Variants in ANKS1B observed in about 807,000 individuals in gnomAD.
ANKS1B encodes the protein ankyrin repeat and sterile alpha motif domain-containing protein 1B.
In ANKS1B, 36 loss-of-function variants were observed where a neutral mutation model predicts 148.3. The observed-to-expected ratio is 0.24, with a 90% CI of 0.19 to 0.32. The LOEUF is 0.32. Among genes scored for constraint, ANKS1B ranks in the 10% least tolerant of loss-of-function variants. The pLI is 1.00. For synonymous variants in ANKS1B, 542 were observed against 560.8 expected (o/e 0.97, Z 0.47); for missense variants, 1,157 against 1,542.6 (o/e 0.75, Z 4.19).
At chr12:99,210,105 G>A (rs2083155767) in intron 14 of ANKS1B, among the ~76,000 whole-genome samples, 1 of 152,152 alleles carries the variant, frequency 6.6e-6, no homozygotes, top group Non-Finnish European at 1.5e-5. Context: ...ACCTTTGACT[G>A]TTGAGCTACT....
chr12:99,507,024 A>G (rs756787319), intron 9 of ANKS1B, among the ~76,000 whole-genome samples: 16 of 152,048 alleles, frequency 1.1e-4, no homozygotes, highest in Non-Finnish European at 2.2e-4. Flanking sequence ...TTGATGCTCA[A>G]TAAATATGTA....
chr12:98,750,665 T>A (rs1250811895), intron 26 of ANKS1B, among the ~76,000 whole-genome samples: 8 of 152,140 alleles, frequency 5.3e-5, no homozygotes, highest in Non-Finnish European at 8.8e-5. Flanking sequence ...TGGTTGGGAA[T>A]CTTCCAGCTT....
At chr12:98,835,627 T>A (rs1455344819) in intron 17 of ANKS1B, among the ~76,000 whole-genome samples, 1 of 152,220 alleles carries the variant, frequency 6.6e-6, no homozygotes, top group Non-Finnish European at 1.5e-5. Context: ...CCACATCGCT[T>A]AATCTTCAAT....
intron 8 of ANKS1B, among the ~76,000 whole-genome samples, chr12:99,758,611 T>C (rs1406992237): frequency 6.6e-6 from 1 of 151,920 alleles, no homozygotes; most frequent in Non-Finnish European, 1.5e-5. Context: ...TTACTATTAC[T>C]ATTGTTACCA....
At chr12:99,238,461 T>G (rs571900482) in intron 14 of ANKS1B, among the ~76,000 whole-genome samples, 12 of 152,304 alleles carry the variant, frequency 7.9e-5, no homozygotes, top group African/African-American at 2.9e-4. Context: ...CTCTCTAGAT[T>G]CCACCTCTGG....
chr12:99,950,439 T>TTATATATA (rs1447476924), intron 1 of ANKS1B, among the ~76,000 whole-genome samples: 15 of 152,018 alleles, frequency 9.9e-5, no homozygotes, highest in African/African-American at 3.6e-4. Flanking sequence ...CCACACATAC[T>TTATATATA]TTCCTTTCCC....
intron 10 of ANKS1B, among the ~76,000 whole-genome samples, chr12:99,466,972 C>A (rs541771002): frequency 6.6e-6 from 1 of 152,164 alleles, no homozygotes. Flanking sequence ...CAAAGCCTGG[C>A]AGAGACACAA....
intron 17 of ANKS1B, among the ~76,000 whole-genome samples, chr12:98,886,331 C>G (rs980018495): frequency 6.6e-6 from 1 of 152,146 alleles, no homozygotes; most frequent in Admixed American, 6.5e-5. Context: ...GTAGACACTT[C>G]TGATAGTTGA....
intron 9 of ANKS1B, among the ~76,000 whole-genome samples, chr12:99,631,647 T>C (rs963958484): frequency 1.6e-4 from 24 of 152,220 alleles, no homozygotes; most frequent in African/African-American, 5.5e-4. Context: ...TGAACTATGT[T>C]AATGCTGAGG....
At chr12:98,812,145 C>T (rs888135118) in intron 19 of ANKS1B, among the ~76,000 whole-genome samples, 1 of 152,242 alleles carries the variant, frequency 6.6e-6, no homozygotes, top group African/African-American at 2.4e-5. Context: ...CACAACATAA[C>T]GATGTTTCAG....
intron 10 of ANKS1B, among the ~76,000 whole-genome samples, chr12:99,498,756 A>G (rs1016999511): frequency 1.3e-5 from 2 of 152,168 alleles, no homozygotes; most frequent in African/African-American, 4.8e-5. Context: ...GATCAATTTG[A>G]GGGTCTCTAA....
At chr12:98,803,048 A>G (rs1274916294) in intron 20 of ANKS1B, among the ~76,000 whole-genome samples, 1 of 152,080 alleles carries the variant, frequency 6.6e-6, no homozygotes, top group Non-Finnish European at 1.5e-5. Flanking sequence ...AGTTTGTAAA[A>G]GTGATAACTG....
intron 9 of ANKS1B, among the ~76,000 whole-genome samples, chr12:99,576,333 CA>C (rs1358658569): frequency 6.6e-6 from 1 of 151,946 alleles, no homozygotes; most frequent in South Asian, 2.1e-4. Flanking sequence ...ATCATTGAGA[CA>C]AAAAATTAAC....
intron 9 of ANKS1B, among the ~76,000 whole-genome samples, chr12:99,578,228 A>T (rs2097536989): frequency 6.6e-6 from 1 of 152,184 alleles, no homozygotes; most frequent in African/African-American, 2.4e-5. Context: ...CAAAACAACA[A>T]GAGTCATCTA....
At chr12:99,244,203 G>A (rs2089893856) in intron 14 of ANKS1B, 139 bp downstream of exon 14, 1 of 606,036 alleles carries the variant, frequency 1.7e-6, no homozygotes, top group African/African-American at 1.9e-5. Flanking sequence ...TGTCATTGTT[G>A]TTAGATCTGA....
At chr12:99,446,821 A>T (rs1412322603) in intron 10 of ANKS1B, among the ~76,000 whole-genome samples, 1 of 152,078 alleles carries the variant, frequency 6.6e-6, no homozygotes. Flanking sequence ...TCTTTAGGGT[A>T]TGCCTTTGAG....
chr12:99,806,677 T>C lies in ANKS1B; in HGVS notation c.396A>G (p.Leu132=), dbSNP rs914045459. 2 of 1,610,006 alleles carry C rather than the reference T, an allele frequency of 1.2e-6. No homozygotes were observed. Among genetic ancestry groups the C allele is most frequent in the African/African-American group, 2.7e-5 (2 of 74,830 alleles). ...NEQNNENETA[L]HCAAQYGHSE... ...AGTGTCCATATTGAGCTGCACAGTG[T>C]AGGGCAGTTTCATTTTCATTGTTCT... The change falls in exon 4 of 27, where the codon CTA becomes CTG. Residue 132 remains leucine, a synonymous_variant. Transcript: ENST00000683438.
intron 9 of ANKS1B, among the ~76,000 whole-genome samples, chr12:99,639,157 C>T (rs866556048): frequency 4.6e-5 from 7 of 152,196 alleles, no homozygotes; most frequent in African/African-American, 1.7e-4. Context: ...GGGGGACTAC[C>T]TAGTAGAGAT....
At chr12:98,983,794 T>C (rs995331992) in intron 17 of ANKS1B, among the ~76,000 whole-genome samples, 2 of 152,200 alleles carry the variant, frequency 1.3e-5, no homozygotes, top group Non-Finnish European at 2.9e-5. Flanking sequence ...GCAAAACTGG[T>C]TGGGAAAACT....
Sources: gnomAD v4.1 joint callset for allele counts (sites outside exome capture counted in the v4.1 genomes callset) on GRCh38, gnomAD v4.1.1 for gene constraint, MANE v1.5 for transcripts, NCBI Gene and HGNC (gene_info 2026-07-23, HGNC 2026-07-21) for gene names.